The following NELL1 variants were observed in gnomAD, a reference collection of about 807,000 sequenced individuals.
The protein encoded by NELL1 is neural EGFL like 1.
NELL1 carries 76 observed loss-of-function variants against 107.4 expected under a neutral mutation model. The observed-to-expected ratio is 0.71, with a 90% CI of 0.59 to 0.86. The LOEUF (loss-of-function observed/expected upper bound fraction) is 0.86, where lower values mean the gene tolerates loss of function less well. Among genes scored for constraint, NELL1 ranks in the 40% least tolerant of loss-of-function variants. NELL1 has a pLI of 0.00. For missense variants in NELL1, 1,024 were observed against 1,005.5 expected, an observed-to-expected ratio of 1.02 and a Z score of -0.25; for synonymous variants, 353 against 341.2, an observed-to-expected ratio of 1.03 and a Z score of -0.38.
intron 5 of NELL1, among the ~76,000 whole-genome samples, chr11:20,898,615 A>AT (rs202236449): frequency 0.018 from 2,528 of 143,118 alleles, 27 homozygotes; most frequent in Non-Finnish European, 0.026. Context: ...GTCAACATCT[A>AT]TTTTTTTTTT....
At chr11:21,283,754 A>C (rs906094339) in intron 14 of NELL1, 1 of 173,332 alleles carries the variant, frequency 5.8e-6, no homozygotes, top group Non-Finnish European at 1.2e-5. Flanking sequence ...CTTTTCACAC[A>C]ATTGAATAGA....
In NELL1 at chr11:20,847,738, A is replaced by T. The variant is rs780460432; in HGVS notation, c.491A>T (p.His164Leu). Residue 164 changes from histidine to leucine, a missense_variant, in exon 4 of 20, where the codon CAT becomes CTT. By Grantham distance (99) the His-to-Leu change is moderately conservative. Coordinates refer to ENST00000357134, the MANE Select transcript of NELL1 (RefSeq NM_006157.5). ...LSVSASHLLL[H>L]VDCNRIYERV... is the part of the protein sequence containing the mutation. ...GTTAGCGCCTCTCATCTCCTGCTCC[A>T]TGTCGACTGTAACAGGTATTTCTTT... 6 of 1,611,918 alleles carry T rather than the reference A, an allele frequency of 3.7e-6. No homozygotes were observed. In the East Asian group the frequency reaches 1.3e-4, roughly 36 times the overall value.
intron 12 of NELL1, among the ~76,000 whole-genome samples, chr11:21,103,074 A>G (rs989266191): frequency 3.7e-4 from 56 of 152,326 alleles, no homozygotes; most frequent in African/African-American, 1.1e-3. Flanking sequence ...GCTGATCATC[A>G]TTCATCATAC....
chr11:20,814,175 T>C (rs1179313430), intron 3 of NELL1, among the ~76,000 whole-genome samples: 1 of 152,044 alleles, frequency 6.6e-6, no homozygotes, highest in Non-Finnish European at 1.5e-5. Context: ...TTTGCATTTT[T>C]AGTAGAGATG....
chr11:21,310,339 A>T (rs1849723978), intron 14 of NELL1, among the ~76,000 whole-genome samples: 1 of 152,068 alleles, frequency 6.6e-6, no homozygotes, highest in African/African-American at 2.4e-5. Flanking sequence ...TTACCTTGAC[A>T]TTTAGTGCTA....
rs1857150306 is a variant in NELL1 at position 21,573,399 on chromosome 11, G to A, written c.2372G>A (p.Cys791Tyr). 2.5e-6 allele frequency: 4 copies of A among 1,611,352 alleles called. No homozygotes were observed. The Admixed American group carries it at 6.7e-5, about 27-fold the overall frequency. Residue 791 changes from cysteine to tyrosine, a missense_variant, in exon 19 of 20, where the codon TGT (cysteine) becomes TAT (tyrosine). Coordinates refer to ENST00000357134, the MANE Select transcript of NELL1 (RefSeq NM_006157.5). ...WTMAGSPCTT[C>Y]KCKNGRVCCS... ...ATGGCTGGATCTCCCTGCACAACCT[G>A]TAAATGCAAGGTAATTGGATGTTCT... is the stretch of plus-strand genomic sequence containing the variant.
chr11:20,980,561 C>G (rs1237260041), intron 12 of NELL1, among the ~76,000 whole-genome samples: 2 of 151,968 alleles, frequency 1.3e-5, no homozygotes, highest in Admixed American at 1.3e-4. Flanking sequence ...TTGGGAGAGC[C>G]CATAAGTAAT....
chr11:20,934,883 A>T (rs906507758), intron 9 of NELL1, among the ~76,000 whole-genome samples: 5 of 152,210 alleles, frequency 3.3e-5, no homozygotes, highest in African/African-American at 1.2e-4. Context: ...GGCATAAAAG[A>T]TGATCAGGGA....
chr11:20,721,406 G>T (rs1855385844), intron 2 of NELL1, among the ~76,000 whole-genome samples: 2 of 151,884 alleles, frequency 1.3e-5, no homozygotes, highest in Admixed American at 1.3e-4. Flanking sequence ...TGTTCATCAT[G>T]AATTGCCTAC....
At chr11:21,046,883 C>CGT (rs1554962299) in intron 12 of NELL1, among the ~76,000 whole-genome samples, 2 of 141,246 alleles carry the variant, frequency 1.4e-5, no homozygotes, top group Non-Finnish European at 3.1e-5. Context: ...AATTTTTAAA[C>CGT]TTTTTTTTTT....
intron 15 of NELL1, among the ~76,000 whole-genome samples, chr11:21,377,582 CT>C: frequency 6.6e-6 from 1 of 152,036 alleles, no homozygotes; most frequent in Non-Finnish European, 1.5e-5. Flanking sequence ...GGAAGAGTCC[CT>C]TTTTTTGATT....
chr11:21,502,420 GCATTTATTA>G (rs890429616), intron 15 of NELL1, among the ~76,000 whole-genome samples: 1 of 152,072 alleles, frequency 6.6e-6, no homozygotes, highest in Non-Finnish European at 1.5e-5. Flanking sequence ...TTTGGTGTTT[GCATTTATTA>G]CACTCCTGAT....
At chr11:20,689,243 A>C (rs11517566) in intron 2 of NELL1, among the ~76,000 whole-genome samples, 13,705 of 151,756 alleles carry the variant, frequency 0.09, 813 homozygotes, top group Non-Finnish European at 0.13. Context: ...TACTCTGTTG[A>C]TAGTCTTCTT....
intron 2 of NELL1, among the ~76,000 whole-genome samples, chr11:20,683,378 T>G (rs188657535): frequency 5.3e-5 from 8 of 152,174 alleles, no homozygotes; most frequent in Non-Finnish European, 1.2e-4. Flanking sequence ...AATTATGTGT[T>G]GCTGAGGTTT....
intron 14 of NELL1, among the ~76,000 whole-genome samples, chr11:21,282,610 T>G (rs934803284): frequency 3.3e-5 from 5 of 152,110 alleles, no homozygotes; most frequent in African/African-American, 1.2e-4. Flanking sequence ...GGAGAACAGT[T>G]TGGAAGTTCC....
chr11:21,113,484 C>T (rs894034347), intron 12 of NELL1, 105 bp from the exon 13 acceptor site: 18 of 1,194,440 alleles, frequency 1.5e-5, no homozygotes, highest in Non-Finnish European at 1.9e-5. Context: ...TACTTTTTCT[C>T]TTGGCTTCTA....
At chr11:20,989,233 G>A (rs754076694) in intron 12 of NELL1, among the ~76,000 whole-genome samples, 3 of 152,150 alleles carry the variant, frequency 2.0e-5, no homozygotes, top group Admixed American at 6.5e-5. Flanking sequence ...TGTGGAACAC[G>A]TGAGGCTTGG....
intron 5 of NELL1, among the ~76,000 whole-genome samples, chr11:20,897,709 A>T (rs1398684177): frequency 6.6e-6 from 1 of 152,222 alleles, no homozygotes; most frequent in Non-Finnish European, 1.5e-5. Context: ...ATGAACTCAA[A>T]CAAATTTACA....
chr11:20,943,723 AT>A (rs1850905727), intron 10 of NELL1, among the ~76,000 whole-genome samples: 1 of 152,212 alleles, frequency 6.6e-6, no homozygotes, highest in South Asian at 2.1e-4. Context: ...GCCAGCTGGG[AT>A]CAGAACCTGT....
Sources: gnomAD v4.1 joint callset for allele counts (sites outside exome capture counted in the v4.1 genomes callset) on GRCh38, gnomAD v4.1.1 for gene constraint, MANE v1.5 for transcripts, NCBI Gene and HGNC (gene_info 2026-07-23, HGNC 2026-07-21) for gene names.